Variants in PCLO observed in about 807,000 individuals in gnomAD.
PCLO encodes the protein piccolo presynaptic cytomatrix protein.
PCLO carries 82 observed loss-of-function variants against 427.5 expected under a neutral mutation model. The ratio of observed to expected loss-of-function variants is 0.19; its 90% CI spans 0.16 to 0.23. The LOEUF (loss-of-function observed/expected upper bound fraction) is 0.23, where lower values mean the gene tolerates loss of function less well. PCLO is among the 10% of genes least tolerant of loss of function. The probability of loss-of-function intolerance (pLI) is 1.00; values close to 1 mark genes in which losing one functional copy is unlikely to be tolerated. For synonymous variants in PCLO, 2,357 were observed against 2,155.4 expected, an observed-to-expected ratio of 1.09 and a Z score of -2.59; for missense variants, 6,239 against 6,115.9, an observed-to-expected ratio of 1.02 and a Z score of -0.67.
At chr7:83,148,364 T>C (rs1792046111) in intron 2 of PCLO, among the ~76,000 whole-genome samples, 1 of 152,188 alleles carries the variant, frequency 6.6e-6, no homozygotes, top group Non-Finnish European at 1.5e-5. Context: ...CATAACACAT[T>C]GTCATCTGTC....
At chr7:82,768,218 T>C (rs191172958) in intron 22 of PCLO, among the ~76,000 whole-genome samples, 20 of 152,074 alleles carry the variant, frequency 1.3e-4, no homozygotes, top group Admixed American at 7.9e-4. Context: ...AGGACAGGAG[T>C]TCGAGACCAG....
chr7:83,005,764 TA>T (rs1179650029), intron 3 of PCLO, among the ~76,000 whole-genome samples: 2 of 151,564 alleles, frequency 1.3e-5, no homozygotes, highest in African/African-American at 4.8e-5. Context: ...AAAGCTGGGT[TA>T]GGGGAAGCTG....
chr7:82,888,055 G>C (rs1470946496), intron 9 of PCLO, among the ~76,000 whole-genome samples: 1 of 151,306 alleles, frequency 6.6e-6, no homozygotes. Flanking sequence ...GGGTGACAGA[G>C]TAAGGCTCCA....
chr7:82,801,505 A>C lies in PCLO; in HGVS notation c.15007+13T>G. ...GATTCAGCCAAAATCCAATATTGTA[A>C]ATTTTTACTTACCTTCAGTGTCTGC... On this transcript the variant is annotated intron_variant, in intron 22 of 24. Coordinates refer to ENST00000333891, the MANE Select transcript of PCLO (RefSeq NM_033026.6). 6.8e-7 allele frequency: 1 copy of C among 1,463,564 alleles called. No individual in the cohort carries two copies. 90.7% of individuals were successfully genotyped at this position (1,463,564 alleles called of 1,614,324 possible).
chr7:82,829,897 CAATT>C (rs1274716320), intron 16 of PCLO, among the ~76,000 whole-genome samples: 1 of 151,744 alleles, frequency 6.6e-6, no homozygotes, highest in Non-Finnish European at 1.5e-5. Flanking sequence ...CACTGAAAAT[CAATT>C]AAATTTTAAA....
chr7:82,889,289 C>T (rs976927348), intron 9 of PCLO, among the ~76,000 whole-genome samples: 2 of 152,008 alleles, frequency 1.3e-5, no homozygotes, highest in Non-Finnish European at 2.9e-5. Context: ...GCTTAGCCCT[C>T]GCCATAACCC....
chr7:82,785,739 G>C (rs1790972090), intron 22 of PCLO, among the ~76,000 whole-genome samples: 1 of 152,056 alleles, frequency 6.6e-6, no homozygotes, highest in South Asian at 2.1e-4. Context: ...GTGTTTTCCA[G>C]GATCAAGCAT....
rs936395969 is a variant in PCLO at position 82,999,014 on chromosome 7, TA to T, written c.3301-32528del. 1.1e-3 allele frequency among the ~76,000 whole-genome samples: 168 copies of T among 150,032 alleles called. 1 individual carries two copies. The highest frequency in any genetic ancestry group is 3.5e-3 in the African/African-American group (144 of 41,070). ...AAAAATAAAAAATTAATGTTAGGGA[TA>T]AAAAAAACACTGTAACAGAAATGAA... On this transcript the variant is annotated intron_variant, in intron 3 of 24. Coordinates refer to ENST00000333891, the MANE Select transcript of PCLO (RefSeq NM_033026.6).
At chr7:83,016,176 T>C (rs1347173066) in intron 3 of PCLO, among the ~76,000 whole-genome samples, 1 of 151,950 alleles carries the variant, frequency 6.6e-6, no homozygotes, top group Non-Finnish European at 1.5e-5. Flanking sequence ...CAACAACAGA[T>C]GGACTGACTA....
rs1418823585 is a variant in PCLO at position 82,915,263 on chromosome 7, G to A, written c.12723C>T (p.Ile4241=). Residue 4241 remains isoleucine (I), a synonymous_variant, in exon 7 of 25, where the codon ATC becomes ATT. Coordinates refer to ENST00000333891, the MANE Select transcript of PCLO (RefSeq NM_033026.6). ...TAATATTTTTTCTGAGGCCAAAAGT[G>A]ATGTCATCTTGAAGGAGCCTTGCCC... is the stretch of plus-strand genomic sequence containing the variant. ...SSRARLLQDD[I]TFGLRKNITD... 1.9e-6 allele frequency: 3 copies of A among 1,613,430 alleles called. No homozygotes were observed. The African/African-American group carries it at 4.0e-5, about 22-fold the overall frequency.
chr7:82,769,789 A>T (rs1016185001), intron 22 of PCLO, among the ~76,000 whole-genome samples: 1 of 152,092 alleles, frequency 6.6e-6, no homozygotes, highest in Admixed American at 6.6e-5. Flanking sequence ...TGAAGTCTGA[A>T]TTGGTGTCTG....
At chr7:82,781,397 C>T (rs1790869436) in intron 22 of PCLO, among the ~76,000 whole-genome samples, 1 of 151,740 alleles carries the variant, frequency 6.6e-6, no homozygotes, top group East Asian at 1.9e-4. Flanking sequence ...TATACGTGTG[C>T]CATGGTGGTT....
chr7:82,925,664 T>C (rs1794695395), intron 6 of PCLO, among the ~76,000 whole-genome samples: 1 of 151,666 alleles, frequency 6.6e-6, no homozygotes, highest in African/African-American at 2.4e-5. Flanking sequence ...TTTGGCTCTT[T>C]GGAGATAAAA....
intron 22 of PCLO, among the ~76,000 whole-genome samples, chr7:82,796,760 A>C (rs2129468545): frequency 6.7e-6 from 1 of 149,380 alleles, no homozygotes; most frequent in South Asian, 2.2e-4. Flanking sequence ...CTGGCTGTAC[A>C]CACCTGGTTC....
chr7:83,133,496 TTCG>T (rs1791626103), intron 3 of PCLO, among the ~76,000 whole-genome samples: 1 of 152,066 alleles, frequency 6.6e-6, no homozygotes, highest in South Asian at 2.1e-4. Context: ...ATATTAGAAA[TTCG>T]TCGTCTGCTT....
chr7:83,055,425 A>T (rs2116284719), intron 3 of PCLO, among the ~76,000 whole-genome samples: 1 of 152,288 alleles, frequency 6.6e-6, no homozygotes. Flanking sequence ...AGGGAGCCTT[A>T]TGAAGACTCT....
intron 22 of PCLO, among the ~76,000 whole-genome samples, chr7:82,783,043 G>C (rs1332885395): frequency 6.6e-6 from 1 of 152,188 alleles, no homozygotes; most frequent in Non-Finnish European, 1.5e-5. Context: ...TGGGTCAAGA[G>C]TGTAAAACTA....
intron 10 of PCLO, among the ~76,000 whole-genome samples, chr7:82,863,196 A>G (rs995707857): frequency 1.3e-5 from 2 of 152,024 alleles, no homozygotes; most frequent in African/African-American, 2.4e-5. Flanking sequence ...ATTGGAGTCA[A>G]TTATACTACA....
At chr7:82,844,053 T>C (rs1263179740) in intron 13 of PCLO, among the ~76,000 whole-genome samples, 2 of 152,068 alleles carry the variant, frequency 1.3e-5, no homozygotes, top group Non-Finnish European at 2.9e-5. Context: ...AATTTAAAAA[T>C]CTAAGCAATA....
Sources: allele counts gnomAD v4.1 joint callset (sites outside exome capture counted in the v4.1 genomes callset), GRCh38; gene constraint gnomAD v4.1.1; transcripts MANE v1.5; gene names NCBI Gene and HGNC (gene_info 2026-07-23, HGNC 2026-07-21).